The following CNOT2 variants were observed in gnomAD, a reference collection of about 807,000 sequenced individuals.
CNOT2 encodes CC chemokine receptor 4-negative regulator of transcription 2.
A neutral mutation model predicts 72.1 loss-of-function variants in CNOT2; 7 were observed. The observed-to-expected ratio is 0.10, with a 90% CI of 0.06 to 0.18. The LOEUF is 0.18. Among genes scored for constraint, CNOT2 ranks in the 10% least tolerant of loss-of-function variants. The pLI is 1.00. For synonymous variants in CNOT2, 196 were observed against 225.6 expected, an observed-to-expected ratio of 0.87 and a Z score of 1.17; for missense variants, 345 against 660.3, an observed-to-expected ratio of 0.52 and a Z score of 5.23.
intron 1 of CNOT2, among the ~76,000 whole-genome samples, chr12:70,274,517 A>G (rs1868430779): frequency 6.6e-6 from 1 of 152,058 alleles, no homozygotes; most frequent in African/African-American, 2.4e-5. Flanking sequence ...ATGACTACCA[A>G]ATTACAGATA....
intron 7 of CNOT2, among the ~76,000 whole-genome samples, chr12:70,333,928 A>C (rs555917270): frequency 6.6e-6 from 1 of 152,106 alleles, no homozygotes; most frequent in African/African-American, 2.4e-5. Flanking sequence ...GTAAATTAAC[A>C]GTAAAGATGT....
At chr12:70,302,804 T>C (rs1484403428) in intron 2 of CNOT2, among the ~76,000 whole-genome samples, 1 of 152,210 alleles carries the variant, frequency 6.6e-6, no homozygotes, top group Non-Finnish European at 1.5e-5. Context: ...CTGTCTAATG[T>C]TGACAGTGGG....
intron 1 of CNOT2, chr12:70,244,143 G>A (rs1344046286): frequency 2.0e-5 from 3 of 152,414 alleles, no homozygotes; most frequent in African/African-American, 7.2e-5. Flanking sequence ...ATGGTGGAGG[G>A]AGAAGGAATG....
At chr12:70,255,045 G>A (rs1958363249) in intron 1 of CNOT2, among the ~76,000 whole-genome samples, 2 of 151,896 alleles carry the variant, frequency 1.3e-5, no homozygotes, top group South Asian at 4.2e-4. Flanking sequence ...TTTGGGAGGG[G>A]AGTTTGGAGA....
intron 2 of CNOT2, among the ~76,000 whole-genome samples, chr12:70,305,835 G>A (rs945583026): frequency 6.9e-5 from 9 of 129,942 alleles, no homozygotes; most frequent in African/African-American, 1.2e-4. Flanking sequence ...CACTTTACCC[G>A]TCTTCTCTGA....
At chr12:70,261,551 C>T (rs557880961) in intron 1 of CNOT2, among the ~76,000 whole-genome samples, 74 of 151,912 alleles carry the variant, frequency 4.9e-4, no homozygotes, top group Middle Eastern at 3.4e-3. Context: ...CTCCTGACCT[C>T]GTTGTCCTCC....
At chr12:70,330,990 C>CAAA (rs1879850502) in intron 6 of CNOT2, 1 of 152,022 alleles carries the variant, frequency 6.6e-6, no homozygotes, top group African/African-American at 2.4e-5. Flanking sequence ...TGTACTTTTT[C>CAAA]ACTTCTCTTT....
chr12:70,342,192 G>T, intron 12 of CNOT2, 24 bp downstream of exon 12: 1 of 1,612,382 alleles, frequency 6.2e-7, no homozygotes, highest in South Asian at 1.1e-5. Context: ...TTTGTGTTTA[G>T]ACCTTTTAAA....
In CNOT2 at chr12:70,304,275, G is replaced by A. The variant is rs1048164653; in HGVS notation, c.49-6620G>A. Among the ~76,000 whole-genome samples, 8 of 152,064 alleles carry A rather than the reference G, an allele frequency of 5.3e-5. No homozygotes were observed. In the East Asian group the frequency reaches 5.8e-4, roughly 11 times the overall value. Reference sequence around the variant, plus strand: ...TACATTCCTTTGGAGGAGGAGAGGCGCTCTGCTTTTTAGAGTTTCCAGTTT... The same window carrying A: ...TACATTCCTTTGGAGGAGGAGAGGCACTCTGCTTTTTAGAGTTTCCAGTTT... On this transcript the variant is annotated intron_variant, in intron 2 of 15. Coordinates refer to ENST00000229195, the MANE Select transcript of CNOT2 (RefSeq NM_014515.7).
At chr12:70,262,538 G>C (rs1411116120) in intron 1 of CNOT2, among the ~76,000 whole-genome samples, 1 of 152,222 alleles carries the variant, frequency 6.6e-6, no homozygotes, top group African/African-American at 2.4e-5. Context: ...GCCTCCCAAA[G>C]TGCTGGGATT....
chr12:70,353,322 A>T (rs915748538), intron 15 of CNOT2, among the ~76,000 whole-genome samples: 5 of 151,968 alleles, frequency 3.3e-5, no homozygotes, highest in Non-Finnish European at 4.4e-5. Context: ...TGATCTGCCC[A>T]CCTAAGCCTC....
At chr12:70,243,199 G>C (rs1055837753), upstream of CNOT2, 3 of 152,490 alleles carry the variant, frequency 2.0e-5, no homozygotes, top group African/African-American at 7.2e-5. Context: ...GGAGCAGCAA[G>C]CCTCCCTGTG....
At chr12:70,284,056 C>T (rs1027771086) in intron 2 of CNOT2, among the ~76,000 whole-genome samples, 2 of 150,894 alleles carry the variant, frequency 1.3e-5, no homozygotes, top group Non-Finnish European at 2.9e-5. Context: ...ATTCTCCTGC[C>T]TCAGCCTCCT....
intron 7 of CNOT2, among the ~76,000 whole-genome samples, chr12:70,333,391 TA>T (rs1257820738): frequency 6.6e-6 from 1 of 151,936 alleles, no homozygotes; most frequent in Non-Finnish European, 1.5e-5. Context: ...ATTTTGACAG[TA>T]AAAAATTCCT....
At chr12:70,317,475 C>T (rs1381006672) in intron 3 of CNOT2, among the ~76,000 whole-genome samples, 1 of 151,758 alleles carries the variant, frequency 6.6e-6, no homozygotes, top group Non-Finnish European at 1.5e-5. Context: ...AAGAAAAGAA[C>T]TTATCAGGCA....
intron 2 of CNOT2, among the ~76,000 whole-genome samples, chr12:70,303,685 A>G (rs1013093417): frequency 6.6e-5 from 10 of 152,152 alleles, no homozygotes; most frequent in African/African-American, 1.2e-4. Flanking sequence ...GAATCTGACA[A>G]TTATGTGTCT....
intron 2 of CNOT2, among the ~76,000 whole-genome samples, chr12:70,284,659 T>G (rs1376784775): frequency 6.6e-6 from 1 of 150,772 alleles, no homozygotes; most frequent in East Asian, 2.0e-4. Flanking sequence ...TCAAGTTAAA[T>G]GAATTCCCAA....
intron 1 of CNOT2, among the ~76,000 whole-genome samples, chr12:70,248,573 T>C (rs1293909883): frequency 6.6e-6 from 1 of 152,274 alleles, no homozygotes; most frequent in African/African-American, 2.4e-5. Flanking sequence ...TGAAACTGTG[T>C]TTTGAGAAAC....
intron 15 of CNOT2, among the ~76,000 whole-genome samples, chr12:70,347,239 A>G (rs1038241148): frequency 3.9e-5 from 6 of 152,130 alleles, no homozygotes; most frequent in African/African-American, 1.4e-4. Flanking sequence ...AATCTGCTTT[A>G]CTAAAATGAT....
Sources: allele counts gnomAD v4.1 joint callset (sites outside exome capture counted in the v4.1 genomes callset), GRCh38; gene constraint gnomAD v4.1.1; transcripts MANE v1.5; gene names NCBI Gene and HGNC (gene_info 2026-07-23, HGNC 2026-07-21).